Variants in ZNF844 observed in about 807,000 individuals in gnomAD.
ZNF844 encodes zinc finger protein 844.
ZNF844 carries 11 observed loss-of-function variants against 11.4 expected under a neutral mutation model. The observed-to-expected ratio is 0.97, with a 90% confidence interval of 0.61 to 1.60. The LOEUF is 1.60. ZNF844 is among the 40% of genes most tolerant of loss of function. The pLI is 0.00. For missense variants in ZNF844, 790 were observed against 796.8 expected (o/e 0.99, Z 0.10); for synonymous variants, 248 against 260.3 (o/e 0.95, Z 0.46).
intron 1 of ZNF844, among the ~76,000 whole-genome samples, chr19:12,070,750 T>C (rs904933639): frequency 1.3e-5 from 2 of 152,214 alleles, no homozygotes; most frequent in Non-Finnish European, 2.9e-5. Context: ...GAATAAAGCC[T>C]TATTTTTTGC....
chr19:12,077,000 T>G lies in ZNF844; in HGVS notation c.1880T>G (p.Leu627Arg). Residue 627 changes from leucine to arginine, a missense_variant, in exon 4 of 4, where the codon CTT (leucine) becomes CGT (arginine). Leu to Arg is a moderately radical substitution (Grantham distance 102). Around this residue, in one of 3 missense-constraint regions of ZNF844, gnomAD observed 657 missense variants for 636.2 expected, o/e 1.03. Transcript: ENST00000439326. ...GCGGAAAAGCGTTCAATTATTTTTC[T>G]TCTTTGCGTATACACAAAAGGATGC... ...RNAEKRSIIFLLCVYTKGCTL... is the reference protein window; with the variant it reads ...RNAEKRSIIFRLCVYTKGCTL... The G allele has an allele frequency of 1.3e-6, 2 of 1,597,636 alleles. No homozygotes were observed. The highest frequency in any genetic ancestry group is 8.5e-7 in the Non-Finnish European group (1 of 1,171,572).
In ZNF844 at chr19:12,076,129, T is replaced by C; in HGVS notation, c.1009T>C (p.Cys337Arg). ...AGTGACCCACTCTGGGAAAAAGCCC[T>C]GTGAATGTAAACAATGTGGGAAAGC... ...HEVTHSGKKP[C>R]ECKQCGKALS... The change falls in exon 4 of 4, where the codon TGT (cysteine) becomes CGT (arginine). Residue 337 changes from cysteine to arginine, a missense_variant. Cys to Arg is a radical substitution (Grantham distance 180). Coordinates refer to ENST00000439326, the MANE Select transcript of ZNF844 (RefSeq NM_001136501.3). The C allele has an allele frequency of 6.4e-7, 1 of 1,571,908 alleles. No individual in the cohort carries two copies. Among genetic ancestry groups the C allele is most frequent in the Non-Finnish European group, 8.6e-7 (1 of 1,157,592 alleles).
chr19:12,066,530 C>CTT lies in ZNF844; in HGVS notation c.3+1677_3+1678dup, dbSNP rs80186949. Among the ~76,000 whole-genome samples, 717 of 92,310 alleles carry CTT rather than the reference C, an allele frequency of 7.8e-3. 24 individuals are homozygous for CTT. The highest frequency in any genetic ancestry group is 0.021 in the African/African-American group (461 of 21,746). 60.6% of individuals were successfully genotyped at this position (92,310 alleles called of 152,430 possible). A position where few individuals can be genotyped will look rare whatever the true frequency, so the allele number is the denominator to read the frequency against. ...ATTTAAACTATAACATAAATGTCTT[C>CTT]TTTTTTTTTTTTTTTTTTTTTTTTG... is the stretch of plus-strand genomic sequence containing the variant. On this transcript the variant is annotated intron_variant, in intron 1 of 3. Coordinates refer to ENST00000439326, the MANE Select transcript of ZNF844 (RefSeq NM_001136501.3).
rs751251407 is a variant in ZNF844, at chr19:12,075,475, A to G, written c.355A>G (p.Asn119Asp). Reference sequence around the variant, plus strand: ...AGTCTTCGTGGGTCATTCTTCCCTTAATAGGCACATTAGAGCTGACACTGC... The same window carrying G: ...AGTCTTCGTGGGTCATTCTTCCCTTGATAGGCACATTAGAGCTGACACTGC... ...GEVFVGHSSL[N>D]RHIRADTAHK... Residue 119 changes from asparagine to aspartate, a missense_variant, in exon 4 of 4, where the codon AAT becomes GAT. By Grantham distance (23) the Asn-to-Asp change is conservative. Coordinates refer to ENST00000439326, the MANE Select transcript of ZNF844 (RefSeq NM_001136501.3). 1 of 1,613,242 alleles carries G rather than the reference A, an allele frequency of 6.2e-7. No individual in the cohort carries two copies. Among genetic ancestry groups the G allele is most frequent in the East Asian group, 2.2e-5 (1 of 44,802 alleles).
Position 12,075,817 on chromosome 19 carries a change from GC to G in ZNF844, c.699del (p.Phe234LeufsTer96). On this transcript the variant is annotated frameshift_variant, in exon 4 of 4. Transcript: ENST00000439326. LOFTEE classifies it low-confidence loss of function (END_TRUNC). ...ATATAAATGTAAACAATGTGGTAAA[GC>G]CTTTAGTTATTCAACTTCCCTTCAA... is the stretch of plus-strand genomic sequence containing the variant. ...KPYKCKQCGK[A>X]FSYSTSLQIH... 6.2e-7 allele frequency: 1 copy of G among 1,611,252 alleles called. No homozygotes were observed. The highest frequency in any genetic ancestry group is 8.5e-7 in the Non-Finnish European group (1 of 1,178,756).
intron 1 of ZNF844, among the ~76,000 whole-genome samples, chr19:12,071,862 A>G (rs961449923): frequency 6.6e-6 from 1 of 151,452 alleles, no homozygotes; most frequent in Non-Finnish European, 1.5e-5. Context: ...TGCAATCAGT[A>G]TAGAATCCTG....
At position 12,064,732 on chromosome 19, in the gene ZNF844, G is replaced by T; in HGVS notation, c.-142G>T. 1 of 838,850 alleles carries T rather than the reference G, an allele frequency of 1.2e-6. No individual in the cohort carries two copies. The highest frequency in any genetic ancestry group is 1.8e-6 in the Non-Finnish European group (1 of 542,826). 52.0% of individuals were successfully genotyped at this position (838,850 alleles called of 1,614,324 possible). On this transcript the variant is annotated 5_prime_UTR_variant, in exon 1 of 4. Coordinates refer to ENST00000439326, the MANE Select transcript of ZNF844 (RefSeq NM_001136501.3). ...GCGGGTCACATTGCCGTTCGCCTCAGTCTTTGGCCCCTCCCGCCGGGTGAG... is the reference window on the plus strand; with the variant it reads ...GCGGGTCACATTGCCGTTCGCCTCATTCTTTGGCCCCTCCCGCCGGGTGAG...
chr19:12,069,178 C>CGTTTTTTTTTTTTTTTTTTTTTTTT (rs760998604), intron 1 of ZNF844, among the ~76,000 whole-genome samples: 1 of 137,478 alleles, frequency 7.3e-6, no homozygotes, highest in African/African-American at 3.0e-5. Flanking sequence ...TTCTTTTATT[C>CGTTTTTTTTTTTTTTTTTTTTTTTT]CTTTTTTTTT....
chr19:12,074,661 A>G (rs1975787227), intron 3 of ZNF844, among the ~76,000 whole-genome samples: 1 of 152,206 alleles, frequency 6.6e-6, no homozygotes, highest in Non-Finnish European at 1.5e-5. Context: ...GAGTTTGAGA[A>G]GAGCCTGAGC....
chr19:12,067,742 C>T (rs1975705677), intron 1 of ZNF844, among the ~76,000 whole-genome samples: 1 of 150,688 alleles, frequency 6.6e-6, no homozygotes, highest in African/African-American at 2.4e-5. Flanking sequence ...CAGTGGAACT[C>T]CGTCTCTACT....
At chr19:12,071,402 A>G (rs1183621101) in intron 1 of ZNF844, among the ~76,000 whole-genome samples, 1 of 152,244 alleles carries the variant, frequency 6.6e-6, no homozygotes, top group Non-Finnish European at 1.5e-5. Flanking sequence ...TTATTTTCAC[A>G]TTGAAAGTCA....
chr19:12,072,219 G>T (rs546888108), intron 1 of ZNF844, among the ~76,000 whole-genome samples: 2 of 152,274 alleles, frequency 1.3e-5, no homozygotes, highest in East Asian at 3.9e-4. Flanking sequence ...TGTAGCATGG[G>T]ACAGAAAGTT....
In ZNF844 at chr19:12,077,972, G is replaced by A. The variant is rs1224309270; in HGVS notation, c.*851G>A. On this transcript the variant is annotated 3_prime_UTR_variant, in exon 4 of 4. Coordinates refer to ENST00000439326, the MANE Select transcript of ZNF844 (RefSeq NM_001136501.3). The stretch of plus-strand genomic sequence containing the variant: ...GTCTCCTGAGTAGCTGGGACTACAG[G>A]TGCCTGCCACCACACCCGGCTGATT... 2 of 172,488 alleles carry A rather than the reference G, an allele frequency of 1.2e-5. No homozygotes were observed. The highest frequency in any genetic ancestry group is 4.8e-5 in the African/African-American group (2 of 41,398). 10.7% of individuals were successfully genotyped at this position (172,488 alleles called of 1,614,324 possible).
At chr19:12,070,136 T>TAAAAAA (rs79966585) in intron 1 of ZNF844, 1 of 95,060 alleles carries the variant, frequency 1.1e-5, no homozygotes, top group Non-Finnish European at 2.2e-5. Context: ...AAAATAAGCG[T>TAAAAAA]AAAAAAAAAA....
intron 1 of ZNF844, among the ~76,000 whole-genome samples, chr19:12,072,109 A>C (rs1975759447): frequency 6.7e-6 from 1 of 150,120 alleles, no homozygotes; most frequent in African/African-American, 2.4e-5. Flanking sequence ...CTGGTCTTGA[A>C]CTCCTGACCT....
At position 12,081,222 on chromosome 19, in the gene ZNF844, G is replaced by A. The variant is rs1236800979; in HGVS notation, c.*4101G>A. 2 of 152,074 alleles carry A rather than the reference G, an allele frequency of 1.3e-5. No individual in the cohort carries two copies. Among genetic ancestry groups the A allele is most frequent in the African/African-American group, 2.4e-5 (1 of 41,388 alleles). 9.4% of individuals were successfully genotyped at this position (152,074 alleles called of 1,614,324 possible). Reference sequence around the variant, plus strand: ...TGCTGTTACTGACCCTTATCTTGTAGCCTCACAGCTACTATGCTTTTGTCC... The same window carrying A: ...TGCTGTTACTGACCCTTATCTTGTAACCTCACAGCTACTATGCTTTTGTCC... On this transcript the variant is annotated 3_prime_UTR_variant, in exon 4 of 4. Transcript: ENST00000439326.
In ZNF844 at chr19:12,078,065, G is replaced by A. The variant is rs182261427; in HGVS notation, c.*944G>A. On this transcript the variant is annotated 3_prime_UTR_variant, in exon 4 of 4. Coordinates refer to ENST00000439326, the MANE Select transcript of ZNF844 (RefSeq NM_001136501.3). Reference sequence around the variant, plus strand: ...AGGATGGTCTCAATCTCCTGACCTCGTGATCTGCCCGCCTCAGTCTCCCAA... The same window carrying A: ...AGGATGGTCTCAATCTCCTGACCTCATGATCTGCCCGCCTCAGTCTCCCAA... 461 of 159,630 alleles carry A rather than the reference G, an allele frequency of 2.9e-3. 5 individuals are homozygous for A. The highest frequency in any genetic ancestry group is 9.9e-3 in the South Asian group (57 of 5,748). The allele number at this position is 159,630 out of a possible 1,614,324, so 9.9% of individuals were successfully genotyped here. A position where few individuals can be genotyped will look rare whatever the true frequency, so the allele number is the denominator to read the frequency against.
At position 12,076,181 on chromosome 19, in the gene ZNF844, A is replaced by C. The variant is rs1352869969; in HGVS notation, c.1061A>C (p.His354Pro). The C allele has an allele frequency of 3.8e-6, 6 of 1,585,432 alleles. No homozygotes were observed. Among genetic ancestry groups the C allele is most frequent in the East Asian group, 2.3e-5 (1 of 43,018 alleles). Residue 354 changes from histidine (H) to proline (P), a missense_variant, in exon 4 of 4, where the codon CAC becomes CCC. By Grantham distance (77) the His-to-Pro change is moderately conservative (BLOSUM62 -2). Around this residue, in one of 3 missense-constraint regions of ZNF844, gnomAD observed 657 missense variants for 636.2 expected, o/e 1.03. Coordinates refer to ENST00000439326, the MANE Select transcript of ZNF844 (RefSeq NM_001136501.3). Reference protein sequence around the residue: ...KALSYLNFQRHMKMHTRMRPY... With the variant: ...KALSYLNFQRPMKMHTRMRPY... ...TTATCTTATCTTAACTTTCAAAGAC[A>C]CATGAAAATGCACACTAGAATGAGA...
In ZNF844 at chr19:12,076,089, T is replaced by C. The variant is rs762647435; in HGVS notation, c.969T>C (p.Tyr323=). The change falls in exon 4 of 4, where the codon TAT becomes TAC. Residue 323 remains tyrosine (Y), a synonymous_variant. Transcript: ENST00000439326. ...KCGKAFKCPS[Y]LCRHEVTHSG... is the part of the protein sequence containing the mutation. ...GGAAAGCATTCAAGTGTCCCAGTTATCTTTGTAGACATGAAGTGACCCACT... is the reference window on the plus strand; with the variant it reads ...GGAAAGCATTCAAGTGTCCCAGTTACCTTTGTAGACATGAAGTGACCCACT... 213 of 1,565,322 alleles carry C rather than the reference T, an allele frequency of 1.4e-4. No individual in the cohort carries two copies. Among genetic ancestry groups the C allele is most frequent in the Non-Finnish European group, 1.7e-4 (197 of 1,154,334 alleles).
Sources: allele counts gnomAD v4.1 joint callset (sites outside exome capture counted in the v4.1 genomes callset), GRCh38; gene constraint gnomAD v4.1.1; regional missense constraint gnomAD v4.1.1; transcripts MANE v1.5; gene names NCBI Gene and HGNC (gene_info 2026-07-23, HGNC 2026-07-21).